The following SMYD3 variants were observed in gnomAD, a reference collection of about 807,000 sequenced individuals.
SMYD3 encodes histone-lysine N-methyltransferase SMYD3.
SMYD3 carries 36 observed loss-of-function variants against 57.7 expected under a neutral mutation model. The observed-to-expected ratio is 0.62, with a 90% confidence interval of 0.48 to 0.82. SMYD3 has a LOEUF of 0.82. SMYD3 is among the 40% of genes least tolerant of loss of function. The pLI, the probability that SMYD3 is intolerant of heterozygous loss-of-function variation, is 0.00. For missense variants in SMYD3, 515 were observed against 538.8 expected, an observed-to-expected ratio of 0.96 and a Z score of 0.44; for synonymous variants, 211 against 195.0, an observed-to-expected ratio of 1.08 and a Z score of -0.68.
At chr1:246,013,212 C>G (rs2059316865) in intron 5 of SMYD3, among the ~76,000 whole-genome samples, 1 of 152,178 alleles carries the variant, frequency 6.6e-6, no homozygotes, top group Non-Finnish European at 1.5e-5. Flanking sequence ...TGGAGTCTCA[C>G]TCTTTCACAC....
At chr1:245,836,080 T>A (rs1420235020) in intron 10 of SMYD3, among the ~76,000 whole-genome samples, 1 of 152,180 alleles carries the variant, frequency 6.6e-6, no homozygotes, top group Non-Finnish European at 1.5e-5. Context: ...CTGACCCTCA[T>A]AGACGTCTCC....
At chr1:246,336,787 A>G (rs1461241094) in intron 2 of SMYD3, among the ~76,000 whole-genome samples, 2 of 152,202 alleles carry the variant, frequency 1.3e-5, no homozygotes, top group Non-Finnish European at 2.9e-5. Context: ...AAAAAGAGAG[A>G]GTAAAAATTC....
In SMYD3 at chr1:245,931,567, G is replaced by T. The variant is rs187723817; in HGVS notation, c.532-1630C>A. Among the ~76,000 whole-genome samples, 19 of 152,220 alleles carry T rather than the reference G, an allele frequency of 1.2e-4. 1 individual carries two copies. The highest frequency in any genetic ancestry group is 3.4e-3 in the Middle Eastern group (1 of 294). On this transcript the variant is annotated intron_variant, in intron 5 of 11. Transcript: ENST00000490107. ...AGCCAAGACTAAGAATGAACAATTG[G>T]AGTTCACAAGAGGAGTTGCGCCTAG...
At chr1:245,854,887 T>G (rs1012684378) in intron 10 of SMYD3, among the ~76,000 whole-genome samples, 6 of 152,196 alleles carry the variant, frequency 3.9e-5, no homozygotes, top group Admixed American at 6.5e-5. Flanking sequence ...TGTATTATGA[T>G]GGAACCATTG....
At chr1:246,422,701 C>T (rs758101275) in intron 1 of SMYD3, among the ~76,000 whole-genome samples, 3 of 152,166 alleles carry the variant, frequency 2.0e-5, no homozygotes, top group Non-Finnish European at 4.4e-5. Context: ...GGATTACAGG[C>T]GTGAGCCACT....
At chr1:245,905,711 G>A (rs1411712364) in intron 8 of SMYD3, among the ~76,000 whole-genome samples, 2 of 152,174 alleles carry the variant, frequency 1.3e-5, no homozygotes, top group African/African-American at 4.8e-5. Context: ...CCAGACCCTT[G>A]AGCAAACACA....
intron 10 of SMYD3, among the ~76,000 whole-genome samples, chr1:245,850,951 T>G (rs140523686): frequency 7.3e-6 from 1 of 137,576 alleles, no homozygotes; most frequent in African/African-American, 2.9e-5. Context: ...AGGATGACAG[T>G]GTGGAGCTAA....
intron 5 of SMYD3, among the ~76,000 whole-genome samples, chr1:245,932,689 A>G (rs2056791036): frequency 6.6e-6 from 1 of 152,176 alleles, no homozygotes; most frequent in South Asian, 2.1e-4. Flanking sequence ...CTCCGGGGTA[A>G]CTGGGACTAC....
At chr1:245,979,423 C>G (rs1470453510) in intron 5 of SMYD3, among the ~76,000 whole-genome samples, 2 of 152,140 alleles carry the variant, frequency 1.3e-5, no homozygotes, top group Non-Finnish European at 2.9e-5. Context: ...AAAGATCACA[C>G]TAGAGAGTAA....
intron 11 of SMYD3, among the ~76,000 whole-genome samples, chr1:245,761,335 G>A (rs1023135842): frequency 6.6e-6 from 1 of 152,196 alleles, no homozygotes; most frequent in African/African-American, 2.4e-5. Context: ...TCAGAAGGGT[G>A]TGAGGGCAGC....
intron 5 of SMYD3, among the ~76,000 whole-genome samples, chr1:246,185,805 A>G (rs1296447613): frequency 1.3e-5 from 2 of 152,208 alleles, no homozygotes; most frequent in Non-Finnish European, 2.9e-5. Context: ...ATCTTGTACA[A>G]TGGTAATTTA....
chr1:246,361,325 G>A (rs2065983437), intron 1 of SMYD3, among the ~76,000 whole-genome samples: 1 of 152,150 alleles, frequency 6.6e-6, no homozygotes, highest in South Asian at 2.1e-4. Flanking sequence ...GCAGTGAAAA[G>A]GGAACACTTT....
chr1:246,394,594 C>A (rs898918133), intron 1 of SMYD3, among the ~76,000 whole-genome samples: 1 of 152,210 alleles, frequency 6.6e-6, no homozygotes, highest in Admixed American at 6.5e-5. Flanking sequence ...GCTCTTAAGT[C>A]CTATTGTTGT....
chr1:246,081,481 C>T (rs926979433), intron 5 of SMYD3, among the ~76,000 whole-genome samples: 4 of 152,174 alleles, frequency 2.6e-5, no homozygotes, highest in African/African-American at 7.2e-5. Flanking sequence ...CAACCCCTGC[C>T]TCCCAAGCTC....
At chr1:245,878,294 T>C (rs1323087163) in intron 8 of SMYD3, among the ~76,000 whole-genome samples, 1 of 152,086 alleles carries the variant, frequency 6.6e-6, no homozygotes, top group Non-Finnish European at 1.5e-5. Flanking sequence ...AACGGGAAAG[T>C]GTGGGCACGT....
intron 10 of SMYD3, among the ~76,000 whole-genome samples, chr1:245,767,375 T>G (rs879612433): frequency 2.6e-5 from 4 of 152,054 alleles, no homozygotes; most frequent in Non-Finnish European, 4.4e-5. Flanking sequence ...AAGTCCAAAG[T>G]GAGTCCCTGC....
intron 7 of SMYD3, among the ~76,000 whole-genome samples, chr1:245,926,992 G>A (rs976812233): frequency 6.6e-6 from 1 of 152,216 alleles, no homozygotes; most frequent in Admixed American, 6.5e-5. Flanking sequence ...CTGAAAATCA[G>A]TTTGGGGAGA....
intron 5 of SMYD3, among the ~76,000 whole-genome samples, chr1:246,205,585 G>A (rs1429424621): frequency 1.3e-5 from 2 of 152,206 alleles, no homozygotes; most frequent in Non-Finnish European, 2.9e-5. Flanking sequence ...ACTTTGGGAG[G>A]CCAAGGCAGA....
chr1:246,382,959 G>A (rs1411164531), intron 1 of SMYD3, among the ~76,000 whole-genome samples: 5 of 152,124 alleles, frequency 3.3e-5, no homozygotes, highest in Admixed American at 1.3e-4. Context: ...CATGAGCTCA[G>A]TCAACAGACT....
Sources: gnomAD v4.1 joint callset for allele counts (sites outside exome capture counted in the v4.1 genomes callset) on GRCh38, gnomAD v4.1.1 for gene constraint, MANE v1.5 for transcripts, NCBI Gene and HGNC (gene_info 2026-07-23, HGNC 2026-07-21) for gene names.